The following DDX39A variants were observed in gnomAD, a reference collection of about 807,000 sequenced individuals.
DDX39A encodes the protein DExD-box helicase 39A.
A neutral mutation model predicts 46.3 loss-of-function variants in DDX39A; 13 were observed. The ratio of observed to expected loss-of-function variants is 0.28; its 90% confidence interval spans 0.18 to 0.45. DDX39A has a LOEUF of 0.45. Among genes scored for constraint, DDX39A ranks in the 20% least tolerant of loss-of-function variants. The pLI is 1.00. For missense variants in DDX39A, 352 were observed against 581.8 expected, an observed-to-expected ratio of 0.61 and a Z score of 4.06; for synonymous variants, 234 against 224.6, an observed-to-expected ratio of 1.04 and a Z score of -0.38.
Position 14,412,722 on chromosome 19 carries a change from C to T in DDX39A, c.209-44G>A. On this transcript the variant is annotated intron_variant, in intron 2 of 10. Transcript: ENST00000242776. The surrounding 1 kb of genome is among the most constrained non-coding windows in gnomAD (Gnocchi z 4.4). ...GTGAGGGACGAGAACCTGGATGCAC[C>T]CCCGTGCAGGATCCTCACCAGTTGA... 1.9e-6 allele frequency: 3 copies of T among 1,568,676 alleles called. No individual in the cohort carries two copies. Among genetic ancestry groups the T allele is most frequent in the Non-Finnish European group, 2.6e-6 (3 of 1,161,350 alleles).
chr19:14,408,799 A>T lies in DDX39A; in HGVS notation c.*137T>A. ...TGAAAGGCCAAGATGACCAAGAAATAGATGGGGTGGGAGCCAGGCTTCCAT... is the reference window on the plus strand; with the variant it reads ...TGAAAGGCCAAGATGACCAAGAAATTGATGGGGTGGGAGCCAGGCTTCCAT... On this transcript the variant is annotated 3_prime_UTR_variant, in exon 11 of 11. Transcript: ENST00000242776. 2 of 1,325,454 alleles carry T rather than the reference A, an allele frequency of 1.5e-6. No individual in the cohort carries two copies. Among genetic ancestry groups the T allele is most frequent in the East Asian group, 5.1e-5 (2 of 39,592 alleles). 82.1% of individuals were successfully genotyped at this position (1,325,454 alleles called of 1,614,324 possible). A position where few individuals can be genotyped will look rare whatever the true frequency, so the allele number is the denominator to read the frequency against.
At chr19:14,418,930 C>T (rs775350791) in intron 1 of DDX39A, 1 of 456,282 alleles carries the variant, frequency 2.2e-6, no homozygotes, top group East Asian at 7.0e-5. Context: ...CGGCGTCACC[C>T]CCTCGTCCCT....
intron 1 of DDX39A, among the ~76,000 whole-genome samples, chr19:14,416,784 C>T (rs1433375026): frequency 6.6e-6 from 1 of 152,134 alleles, no homozygotes; most frequent in Non-Finnish European, 1.5e-5. Flanking sequence ...CCTCCCAGGC[C>T]CAGTGAGTCC....
chr19:14,418,158 T>G lies in DDX39A; in HGVS notation c.-5+1112A>C, dbSNP rs373467773. On this transcript the variant is annotated intron_variant, in intron 1 of 10. Coordinates refer to ENST00000242776, the MANE Select transcript of DDX39A (RefSeq NM_005804.4). The stretch of plus-strand genomic sequence containing the variant: ...AAAAAAAAAAAAAGAGAGAGAGAGA[T>G]AAATAAATTGGGGTGAACCGAATCT... Among the ~76,000 whole-genome samples the G allele has an allele frequency of 3.5e-3, 439 of 125,104 alleles. 1 individual carries two copies. The highest frequency in any genetic ancestry group is 0.015 in the South Asian group (60 of 3,918). 82.1% of individuals were successfully genotyped at this position (125,104 alleles called of 152,430 possible). A position where few individuals can be genotyped will look rare whatever the true frequency, so the allele number is the denominator to read the frequency against.
At chr19:14,415,205 T>A (rs989588699) in intron 1 of DDX39A, among the ~76,000 whole-genome samples, 1 of 152,182 alleles carries the variant, frequency 6.6e-6, no homozygotes, top group Non-Finnish European at 1.5e-5. Context: ...TGTGGACATT[T>A]CACATAAATG....
At chr19:14,413,839 T>C (rs8109605) in intron 1 of DDX39A, 122,322 of 153,126 alleles carry the variant, frequency 0.8, 49,316 homozygotes, top group African/African-American at 0.92. Context: ...GCAGTATCTG[T>C]CCAGCCCCAG....
chr19:14,411,264 G>A lies in DDX39A; in HGVS notation c.430-92C>T, dbSNP rs1976579652. 9 of 1,437,666 alleles carry A rather than the reference G, an allele frequency of 6.3e-6. No homozygotes were observed. The highest frequency in any genetic ancestry group is 8.4e-6 in the Non-Finnish European group (9 of 1,070,942). 89.1% of individuals were successfully genotyped at this position (1,437,666 alleles called of 1,614,324 possible). On this transcript the variant is annotated intron_variant, in intron 4 of 10. Coordinates refer to ENST00000242776, the MANE Select transcript of DDX39A (RefSeq NM_005804.4). The surrounding 1 kb of genome is among the most constrained non-coding windows in gnomAD (Gnocchi z 4.1). Reference sequence around the variant, plus strand: ...AGCACCTGCGAACAGGAGGCCTCAGGGGACCAAGGCAGGCCTGAGAGCCTC... The same window carrying A: ...AGCACCTGCGAACAGGAGGCCTCAGAGGACCAAGGCAGGCCTGAGAGCCTC...
Position 14,410,144 on chromosome 19 carries a change from G to A in DDX39A, c.732+72C>T, listed in dbSNP as rs534246395. 149 of 1,346,954 alleles carry A rather than the reference G, an allele frequency of 1.1e-4. No homozygotes were observed. In the South Asian group the frequency reaches 1.2e-3, roughly 11 times the overall value. 83.4% of individuals were successfully genotyped at this position (1,346,954 alleles called of 1,614,324 possible). A position where few individuals can be genotyped will look rare whatever the true frequency, so the allele number is the denominator to read the frequency against. ...CAGCATCCTCCGTGCCATGTGGGCC[G>A]TGCGGGTGTCCTGGGGCCCCAGGCT... On this transcript the variant is annotated intron_variant, in intron 6 of 10. Coordinates refer to ENST00000242776, the MANE Select transcript of DDX39A (RefSeq NM_005804.4). The surrounding 1 kb of genome is among the most constrained non-coding windows in gnomAD (Gnocchi z 4.3).
At chr19:14,414,858 G>A (rs942554137) in intron 1 of DDX39A, among the ~76,000 whole-genome samples, 5 of 150,176 alleles carry the variant, frequency 3.3e-5, no homozygotes, top group African/African-American at 9.8e-5. Context: ...CCAGCTACTC[G>A]GGAAGCTGAG....
Position 14,409,014 on chromosome 19 carries a change from CT to C in DDX39A, c.1267+22del. 1 of 1,614,114 alleles carries C rather than the reference CT, an allele frequency of 6.2e-7. No individual in the cohort carries two copies. Among genetic ancestry groups the C allele is most frequent in the Non-Finnish European group, 8.5e-7 (1 of 1,179,982 alleles). ...GGGAGGAACCCTCTGCCCCAGACCC[CT>C]GGCCCTGCCCAAGGCACTTACTGTA... On this transcript the variant is annotated intron_variant, in intron 10 of 10. Coordinates refer to ENST00000242776, the MANE Select transcript of DDX39A (RefSeq NM_005804.4). This position sits in a 1 kb window ranked among gnomAD's most constrained non-coding sequence, Gnocchi z 8.3.
At chr19:14,415,619 A>G (rs959908260) in intron 1 of DDX39A, among the ~76,000 whole-genome samples, 16 of 151,524 alleles carry the variant, frequency 1.1e-4, no homozygotes, top group African/African-American at 3.6e-4. Context: ...ATGGTCACCT[A>G]ATGTTCCATC....
chr19:14,410,278 T>C lies in DDX39A; in HGVS notation c.670A>G (p.Met224Val). 1 of 1,614,132 alleles carries C rather than the reference T, an allele frequency of 6.2e-7. No individual in the cohort carries two copies. Among genetic ancestry groups the C allele is most frequent in the Non-Finnish European group, 8.5e-7 (1 of 1,179,994 alleles). The change falls in exon 6 of 11, where the codon ATG (methionine) becomes GTG (valine). Residue 224 changes from methionine to valine, a missense_variant. By Grantham distance (21) the Met-to-Val change is conservative. Coordinates refer to ENST00000242776, the MANE Select transcript of DDX39A (RefSeq NM_005804.4). This position sits in a 1 kb window ranked among gnomAD's most constrained non-coding sequence, Gnocchi z 4.3. ...FRLTPHEKQC[M>V]MFSATLSKDI... ...TTGCTCAGGGTGGCGCTGAACATCA[T>C]GCACTGCTTCTCGTGTGGTGTCAGG... is the stretch of plus-strand genomic sequence containing the variant.
intron 1 of DDX39A, among the ~76,000 whole-genome samples, chr19:14,415,149 G>T (rs557655769): frequency 6.6e-6 from 1 of 151,776 alleles, no homozygotes; most frequent in Non-Finnish European, 1.5e-5. Context: ...CCCCAGCCCC[G>T]GGCAACCACT....
intron 1 of DDX39A, among the ~76,000 whole-genome samples, chr19:14,415,750 T>A (rs761392731): frequency 9.9e-5 from 15 of 151,116 alleles, no homozygotes; most frequent in Non-Finnish European, 1.5e-4. Context: ...CCCCAGCCCC[T>A]CCCCAGAGCA....
intron 1 of DDX39A, among the ~76,000 whole-genome samples, chr19:14,415,187 C>A (rs975902282): frequency 5.3e-5 from 8 of 152,090 alleles, no homozygotes; most frequent in African/African-American, 1.9e-4. Context: ...TATGGATTTG[C>A]CTGTTGTTGT....
In DDX39A at chr19:14,409,926, C is replaced by G. The variant is rs753317889; in HGVS notation, c.733-53G>C. 6.2e-7 allele frequency: 1 copy of G among 1,606,844 alleles called. No individual in the cohort carries two copies. On this transcript the variant is annotated intron_variant, in intron 6 of 10. Coordinates refer to ENST00000242776, the MANE Select transcript of DDX39A (RefSeq NM_005804.4). The surrounding 1 kb of genome is among the most constrained non-coding windows in gnomAD (Gnocchi z 8.3). ...GGGCAGGGATCACCTCTGGGCATCT[C>G]GCCTGCCCAGAACCTTCCAGTGGGC... is the stretch of plus-strand genomic sequence containing the variant.
Position 14,410,423 on chromosome 19 carries a change from G to A in DDX39A, c.614-89C>T, listed in dbSNP as rs1020187214. On this transcript the variant is annotated intron_variant, in intron 5 of 10. Transcript: ENST00000242776. This position sits in a 1 kb window ranked among gnomAD's most constrained non-coding sequence, Gnocchi z 4.3. The stretch of plus-strand genomic sequence containing the variant: ...ACCAGACCCAGACCCCTCCCAACCT[G>A]TGCCAGGGAGCCAGTGGCACCGTGA... 29 of 1,154,080 alleles carry A rather than the reference G, an allele frequency of 2.5e-5. No individual in the cohort carries two copies. In the Admixed American group the frequency reaches 2.8e-4, roughly 11 times the overall value. 71.5% of individuals were successfully genotyped at this position (1,154,080 alleles called of 1,614,324 possible).
At position 14,409,890 on chromosome 19, in the gene DDX39A, G is replaced by A. The variant is rs1424785932; in HGVS notation, c.733-17C>T. The A allele has an allele frequency of 6.2e-7, 1 of 1,613,366 alleles. No individual in the cohort carries two copies. Among genetic ancestry groups the A allele is most frequent in the East Asian group, 2.2e-5 (1 of 44,870 alleles). ...CTCCATGGGCTGTGTGGGAAGGGAG[G>A]TGGGAGGGGCGGGCAGGGATCACCT... is the stretch of plus-strand genomic sequence containing the variant. On this transcript the variant is annotated splice_polypyrimidine_tract_variant and intron_variant, in intron 6 of 10. Coordinates refer to ENST00000242776, the MANE Select transcript of DDX39A (RefSeq NM_005804.4). This position sits in a 1 kb window ranked among gnomAD's most constrained non-coding sequence, Gnocchi z 8.3.
chr19:14,417,180 G>A (rs1976842626), intron 1 of DDX39A, among the ~76,000 whole-genome samples: 1 of 152,112 alleles, frequency 6.6e-6, no homozygotes, highest in Admixed American at 6.6e-5. Context: ...GGAAAGAAAG[G>A]GTGGGACATG....
Sources: gnomAD v4.1 joint callset for allele counts (sites outside exome capture counted in the v4.1 genomes callset) on GRCh38, gnomAD v4.1.1 for gene constraint, Gnocchi (gnomAD v3.1) non-coding constraint, MANE v1.5 for transcripts, NCBI Gene and HGNC (gene_info 2026-07-23, HGNC 2026-07-21) for gene names.